Variants in COL17A1 observed in about 807,000 individuals in gnomAD.
The protein encoded by COL17A1 is collagen type XVII alpha 1 chain.
A neutral mutation model predicts 218.4 loss-of-function variants in COL17A1; 181 were observed. The ratio of observed to expected loss-of-function variants is 0.83; its 90% CI spans 0.73 to 0.94. COL17A1 has a LOEUF of 0.94. Among genes scored for constraint, COL17A1 ranks in the 40% least tolerant of loss-of-function variants. COL17A1 has a pLI of 0.00. For missense variants in COL17A1, 1,924 were observed against 1,945.9 expected (o/e 0.99, Z 0.21); for synonymous variants, 721 against 731.0 (o/e 0.99, Z 0.22).
chr10:104,033,085 G>GAAAC, intron 53 of COL17A1, 117 bp from the exon 54 acceptor site: 2 of 1,514,824 alleles, frequency 1.3e-6, no homozygotes. Context: ...CGTGTAAGAG[G>GAAAC]AAACAAAGTT....
intron 36 of COL17A1, 83 bp downstream of exon 36, chr10:104,042,337 A>G (rs529446838): frequency 2.1e-6 from 3 of 1,444,302 alleles, no homozygotes; most frequent in Admixed American, 3.4e-5. Context: ...CGTCATCTAG[A>G]ACAGAGAGGC....
At chr10:104,074,351 G>T in intron 5 of COL17A1, 120 bp from the exon 6 acceptor site, 2 of 1,398,726 alleles carry the variant, frequency 1.4e-6, no homozygotes, top group Non-Finnish European at 2.0e-6. Context: ...TTTCAGGGGG[G>T]AATGAGGTAT....
chr10:104,055,898 A>T lies in COL17A1; in HGVS notation c.1571T>A (p.Leu524His). The change falls in exon 18 of 56, where the codon CTC (leucine) becomes CAC (histidine). Residue 524 changes from leucine to histidine, a missense_variant. Leu to His is a moderately conservative substitution (Grantham distance 99). Coordinates refer to ENST00000648076, the MANE Select transcript of COL17A1 (RefSeq NM_000494.4). ...TCCCGCCGCGGGTGCCATGCCCTGG[A>T]GGCGGTCCTTTTCTATTCTATCCAT... The part of the protein sequence containing the change: ...DSMDRIEKDR[L>H]QGMAPAAGAD... The T allele has an allele frequency of 6.2e-7, 1 of 1,614,130 alleles. No individual in the cohort carries two copies. Among genetic ancestry groups the T allele is most frequent in the Non-Finnish European group, 8.5e-7 (1 of 1,180,020 alleles).
At chr10:104,047,113 C>T (rs937546889) in intron 31 of COL17A1, among the ~76,000 whole-genome samples, 1 of 152,224 alleles carries the variant, frequency 6.6e-6, no homozygotes, top group African/African-American at 2.4e-5. Context: ...CTCTATGGCT[C>T]CTGTCTGGGC....
intron 41 of COL17A1, 107 bp downstream of exon 41, chr10:104,039,866 C>A: frequency 6.7e-7 from 1 of 1,492,904 alleles, no homozygotes. Context: ...TCTACTCTTG[C>A]TTATTTGCAC....
At chr10:104,069,362 C>T (rs1485484237) in intron 9 of COL17A1, among the ~76,000 whole-genome samples, 1 of 152,186 alleles carries the variant, frequency 6.6e-6, no homozygotes, top group Non-Finnish European at 1.5e-5. Context: ...ATGGGTATCA[C>T]TTTACCTCAA....
At chr10:104,035,743 G>A (rs1048888284) in intron 48 of COL17A1, among the ~76,000 whole-genome samples, 180 bp from the exon 49 acceptor site, 1 of 148,692 alleles carries the variant, frequency 6.7e-6, no homozygotes, top group East Asian at 1.9e-4. Flanking sequence ...CCACGGGGCC[G>A]GAGAAGCAGG....
intron 24 of COL17A1, 48 bp from the exon 25 acceptor site, chr10:104,051,564 G>A (rs770386030): frequency 1.2e-6 from 2 of 1,611,722 alleles, no homozygotes; most frequent in South Asian, 2.2e-5. Flanking sequence ...AGATACAGGT[G>A]GGGACATCTG....
At chr10:104,054,885 C>G (rs979316282) in intron 20 of COL17A1, 96 bp downstream of exon 20, 2 of 1,580,684 alleles carry the variant, frequency 1.3e-6, no homozygotes, top group Admixed American at 1.7e-5. Context: ...CAAATTACTT[C>G]TTGGAGTGCA....
At chr10:104,065,166 T>G (rs2086616661) in intron 9 of COL17A1, among the ~76,000 whole-genome samples, 1 of 152,168 alleles carries the variant, frequency 6.6e-6, no homozygotes, top group South Asian at 2.1e-4. Flanking sequence ...AAGAGAGGAT[T>G]TTCCTGCTTC....
Position 104,031,568 on chromosome 10 carries a change from A to C in COL17A1, c.*667T>G, listed in dbSNP as rs1389945569. The C allele has an allele frequency of 6.5e-6, 1 of 152,834 alleles. No homozygotes were observed. Among genetic ancestry groups the C allele is most frequent in the East Asian group, 1.9e-4 (1 of 5,200 alleles). The allele number at this position is 152,834 out of a possible 1,614,324, so 9.5% of individuals were successfully genotyped here. On this transcript the variant is annotated 3_prime_UTR_variant, in exon 56 of 56. Coordinates refer to ENST00000648076, the MANE Select transcript of COL17A1 (RefSeq NM_000494.4). ...GTTTGCTCTGGCCTGGTTCAGTATA[A>C]CATATCCATGAACTCTAGTATGGGC...
chr10:104,042,574 T>G (rs1356613861), intron 35 of COL17A1, 119 bp from the exon 36 acceptor site: 1 of 962,960 alleles, frequency 1.0e-6, no homozygotes, highest in East Asian at 2.5e-5. Context: ...CCTTGCTTAT[T>G]TGAGAGCAAT....
At chr10:104,071,710 T>G (rs1256964311) in intron 8 of COL17A1, among the ~76,000 whole-genome samples, 1 of 152,100 alleles carries the variant, frequency 6.6e-6, no homozygotes, top group African/African-American at 2.4e-5. Context: ...TTCTCTGGCC[T>G]GATCTCCATG....
At chr10:104,039,416 C>T (rs1236069699) in intron 43 of COL17A1, 29 bp downstream of exon 43, 10 of 1,611,320 alleles carry the variant, frequency 6.2e-6, no homozygotes, top group African/African-American at 1.3e-5. Context: ...CCCTACTCCT[C>T]ACCACCTTCT....
chr10:104,080,709 A>G, intron 1 of COL17A1, 25 bp from the exon 2 acceptor site: 1 of 1,611,518 alleles, frequency 6.2e-7, no homozygotes, highest in Non-Finnish European at 8.5e-7. Context: ...AGAAACCATG[A>G]TAGTCATACT....
In COL17A1 at chr10:104,046,804, T is replaced by C. The variant is rs373394912; in HGVS notation, c.2336-31A>G. ...GAAAATCAGACACAAGAGGGAAGAG[T>C]TGAAGGGTGGAGGCCATCCCTGGTA... On this transcript the variant is annotated intron_variant, in intron 31 of 55. Coordinates refer to ENST00000648076, the MANE Select transcript of COL17A1 (RefSeq NM_000494.4). The C allele has an allele frequency of 2.3e-4, 363 of 1,611,420 alleles. 1 individual carries two copies. The African/African-American group carries it at 4.4e-3, about 19-fold the overall frequency.
In COL17A1 at chr10:104,062,350, A is replaced by T. The variant is rs1296730850; in HGVS notation, c.839-21T>A. 1.9e-6 allele frequency: 3 copies of T among 1,614,122 alleles called. No homozygotes were observed. In the African/African-American group the frequency reaches 4.0e-5, roughly 22 times the overall value. The stretch of plus-strand genomic sequence containing the variant: ...AAACACTGTGAAAGCAACCAAGGTC[A>T]GGTGAGTACAGGGAGCACGGGGGAT... On this transcript the variant is annotated intron_variant, in intron 11 of 55. Coordinates refer to ENST00000648076, the MANE Select transcript of COL17A1 (RefSeq NM_000494.4).
chr10:104,050,239 T>C (rs1174125127), intron 27 of COL17A1, 115 bp from the exon 28 acceptor site: 1 of 1,440,454 alleles, frequency 6.9e-7, no homozygotes, highest in Non-Finnish European at 9.6e-7. Flanking sequence ...CGTGAACTCC[T>C]GTCAGCGGAT....
At chr10:104,062,511 C>T (rs552937808) in intron 11 of COL17A1, among the ~76,000 whole-genome samples, 182 bp from the exon 12 acceptor site, 3 of 152,306 alleles carry the variant, frequency 2.0e-5, no homozygotes, top group African/African-American at 7.2e-5. Flanking sequence ...CACCTACCTA[C>T]CCCAGGCCAA....
Sources: gnomAD v4.1 joint callset for allele counts (sites outside exome capture counted in the v4.1 genomes callset) on GRCh38, gnomAD v4.1.1 for gene constraint, MANE v1.5 for transcripts, NCBI Gene and HGNC (gene_info 2026-07-23, HGNC 2026-07-21) for gene names.